Variants in AFAP1 observed in about 807,000 individuals in gnomAD.
AFAP1 encodes actin filament associated protein 1.
Under a neutral mutation model 93.9 loss-of-function variants are expected in AFAP1, and 75 were observed. The observed-to-expected ratio is 0.80, with a 90% confidence interval of 0.66 to 0.97. The LOEUF (loss-of-function observed/expected upper bound fraction) is 0.97, where lower values mean the gene tolerates loss of function less well. Ranked by LOEUF, AFAP1 falls within the 50% of genes least tolerant of loss-of-function variation. The pLI is 0.00. For synonymous variants in AFAP1, 517 were observed against 430.7 expected (o/e 1.20, Z -2.48); for missense variants, 1,201 against 1,050.8 (o/e 1.14, Z -1.98).
At chr4:7,840,710 A>G (rs1712908360) in intron 5 of AFAP1, among the ~76,000 whole-genome samples, 1 of 152,246 alleles carries the variant, frequency 6.6e-6, no homozygotes, top group South Asian at 2.1e-4. Flanking sequence ...GAAGAAAAAA[A>G]TACCTCAACT....
intron 6 of AFAP1, among the ~76,000 whole-genome samples, chr4:7,832,787 A>G (rs1711789323): frequency 6.6e-6 from 1 of 152,222 alleles, no homozygotes; most frequent in Admixed American, 6.5e-5. Flanking sequence ...CATCAAAACA[A>G]AACAGCATGG....
intron 17 of AFAP1, among the ~76,000 whole-genome samples, chr4:7,767,412 A>G (rs754925225): frequency 9.2e-5 from 14 of 152,168 alleles, no homozygotes; most frequent in Admixed American, 9.2e-4. Flanking sequence ...GATGAAGTAC[A>G]TTTACAGCAT....
At position 7,783,701 on chromosome 4, in the gene AFAP1, G is replaced by A. The variant is rs565743547; in HGVS notation, c.1531-2074C>T. On this transcript the variant is annotated intron_variant, in intron 12 of 17. Coordinates refer to ENST00000420658, the MANE Select transcript of AFAP1 (RefSeq NM_001134647.2). ...CTAAAGAACACTTGCTCCTGGGGGT[G>A]GCCTGTAGAGTGTCATAAAAGTCTG... 3.3e-5 allele frequency among the ~76,000 whole-genome samples: 5 copies of A among 152,324 alleles called. No homozygotes were observed. The East Asian group carries it at 9.7e-4, about 29-fold the overall frequency.
Position 7,778,667 on chromosome 4 carries a change from C to G in AFAP1, c.1897+95G>C, listed in dbSNP as rs2148977468. ...CACCGCTCCATCTCTCCAGCTGACCCCAAGCTGGCACTCACGGGTGGGCAG... is the reference window on the plus strand; with the variant it reads ...CACCGCTCCATCTCTCCAGCTGACCGCAAGCTGGCACTCACGGGTGGGCAG... On this transcript the variant is annotated intron_variant, in intron 14 of 17. Transcript: ENST00000420658. 11 of 1,214,610 alleles carry G rather than the reference C, an allele frequency of 9.1e-6. 1 individual carries two copies. In the South Asian group the frequency reaches 1.3e-4, roughly 15 times the overall value. 75.2% of individuals were successfully genotyped at this position (1,214,610 alleles called of 1,614,324 possible).
intron 1 of AFAP1, among the ~76,000 whole-genome samples, chr4:7,933,270 T>G (rs1431847195): frequency 6.6e-6 from 1 of 151,712 alleles, no homozygotes; most frequent in Non-Finnish European, 1.5e-5. Context: ...TCTAATCCCA[T>G]GAGCCTTTAA....
rs151237705 is a variant in AFAP1 at position 7,906,874 on chromosome 4, C to T, written c.-3+32782G>A. On this transcript the variant is annotated intron_variant, in intron 1 of 17. Coordinates refer to ENST00000420658, the MANE Select transcript of AFAP1 (RefSeq NM_001134647.2). ...CATCTCTACTAAGAATGCTGGCGGG[C>T]GCCTGTAATCCCAGCTATTCGGGAG... 9.2e-5 allele frequency among the ~76,000 whole-genome samples: 14 copies of T among 152,194 alleles called. No individual in the cohort carries two copies. In the East Asian group the frequency reaches 2.1e-3, roughly 23 times the overall value.
chr4:7,923,775 T>C (rs1173340508), intron 1 of AFAP1, among the ~76,000 whole-genome samples: 1 of 152,122 alleles, frequency 6.6e-6, no homozygotes, highest in Non-Finnish European at 1.5e-5. Context: ...TGGTTTCTCT[T>C]CTTCTAAGGC....
chr4:7,763,721 A>G lies in AFAP1; in HGVS notation c.*44T>C, dbSNP rs1237048543. 1 of 1,551,132 alleles carries G rather than the reference A, an allele frequency of 6.4e-7. No homozygotes were observed. Among genetic ancestry groups the G allele is most frequent in the Non-Finnish European group, 8.7e-7 (1 of 1,146,544 alleles). ...CCGTCACACAGATGAGGATACAGGC[A>G]AGGGGGTGTGCAGTCTCTGAGGCTG... is the stretch of plus-strand genomic sequence containing the variant. On this transcript the variant is annotated 3_prime_UTR_variant, in exon 18 of 18. Transcript: ENST00000420658.
chr4:7,798,599 C>T (rs1221267254), intron 10 of AFAP1, among the ~76,000 whole-genome samples: 2 of 152,220 alleles, frequency 1.3e-5, no homozygotes, highest in Admixed American at 6.5e-5. Flanking sequence ...TAGTTGTACA[C>T]GAAGTGATAC....
intron 11 of AFAP1, among the ~76,000 whole-genome samples, chr4:7,791,943 C>T (rs776343719): frequency 2.0e-5 from 3 of 152,094 alleles, no homozygotes; most frequent in African/African-American, 2.4e-5. Context: ...TGTCCAGCAA[C>T]GCCAATAACG....
intron 14 of AFAP1, chr4:7,778,116 T>TACC (rs1716338343): frequency 6.5e-6 from 1 of 153,376 alleles, no homozygotes; most frequent in Non-Finnish European, 1.5e-5. Context: ...CTCTGTGATT[T>TACC]ACCAGCTGTG....
chr4:7,887,083 G>C (rs35138920), intron 1 of AFAP1, among the ~76,000 whole-genome samples: 16,682 of 152,182 alleles, frequency 0.11, 1,132 homozygotes, highest in Non-Finnish European at 0.16. Flanking sequence ...GGCATTGATG[G>C]ATCTCCACTT....
At chr4:7,904,494 C>A (rs1719288751) in intron 1 of AFAP1, among the ~76,000 whole-genome samples, 2 of 152,126 alleles carry the variant, frequency 1.3e-5, no homozygotes, top group Admixed American at 6.5e-5. Flanking sequence ...ATTTAGTGTG[C>A]ACTCACGAGG....
At chr4:7,891,918 G>A (rs189242468) in intron 1 of AFAP1, among the ~76,000 whole-genome samples, 1 of 152,158 alleles carries the variant, frequency 6.6e-6, no homozygotes, top group Admixed American at 6.5e-5. Flanking sequence ...GCTGGGTGTG[G>A]TGGTAGGCAC....
chr4:7,916,754 G>A (rs1417993628), intron 1 of AFAP1, among the ~76,000 whole-genome samples: 10 of 152,120 alleles, frequency 6.6e-5, no homozygotes, highest in Admixed American at 5.9e-4. Flanking sequence ...ACCAGACCTC[G>A]GACCAGACTC....
chr4:7,767,943 G>A (rs1329216637), intron 17 of AFAP1, among the ~76,000 whole-genome samples: 1 of 152,220 alleles, frequency 6.6e-6, no homozygotes, highest in Admixed American at 6.5e-5. Flanking sequence ...GGGCATAATG[G>A]TGTACACCTG....
At chr4:7,920,157 G>A (rs761684352) in intron 1 of AFAP1, among the ~76,000 whole-genome samples, 6 of 152,070 alleles carry the variant, frequency 3.9e-5, no homozygotes, top group Admixed American at 1.3e-4. Flanking sequence ...ATATATACCC[G>A]GTAATGGGAT....
At chr4:7,876,279 C>T (rs993785037) in intron 1 of AFAP1, among the ~76,000 whole-genome samples, 5 of 152,220 alleles carry the variant, frequency 3.3e-5, no homozygotes, top group Non-Finnish European at 7.3e-5. Context: ...CCCATCCTCT[C>T]CTCTGAGAAC....
At chr4:7,812,605 G>A (rs1488980206) in intron 8 of AFAP1, among the ~76,000 whole-genome samples, 1 of 152,040 alleles carries the variant, frequency 6.6e-6, no homozygotes, top group Non-Finnish European at 1.5e-5. Flanking sequence ...CACTCAGAAC[G>A]CTCAGCCCCC....
Sources: allele counts gnomAD v4.1 joint callset (sites outside exome capture counted in the v4.1 genomes callset), GRCh38; gene constraint gnomAD v4.1.1; transcripts MANE v1.5; gene names NCBI Gene and HGNC (gene_info 2026-07-23, HGNC 2026-07-21).